Variants in MAP3K5 observed in about 807,000 individuals in gnomAD.
MAP3K5 encodes the protein mitogen-activated protein kinase kinase kinase 5.
In MAP3K5, 56 loss-of-function variants were observed where a neutral mutation model predicts 158.7. That is an observed-to-expected ratio of 0.35 (90% CI 0.28 to 0.44). The LOEUF (loss-of-function observed/expected upper bound fraction) is 0.44. Among genes scored for constraint, MAP3K5 ranks in the 20% least tolerant of loss-of-function variants. The pLI is 1.00. For synonymous variants in MAP3K5, 579 were observed against 601.7 expected, an observed-to-expected ratio of 0.96 and a Z score of 0.55; for missense variants, 1,294 against 1,674.8, an observed-to-expected ratio of 0.77 and a Z score of 3.97.
At chr6:136,742,049 T>C (rs1454264956) in intron 1 of MAP3K5, among the ~76,000 whole-genome samples, 6 of 152,240 alleles carry the variant, frequency 3.9e-5, no homozygotes, top group African/African-American at 1.4e-4. Flanking sequence ...AGACTCAATG[T>C]TGTCAAGATG....
chr6:136,712,859 A>T (rs1253840849), intron 2 of MAP3K5, among the ~76,000 whole-genome samples: 1 of 152,154 alleles, frequency 6.6e-6, no homozygotes, highest in Non-Finnish European at 1.5e-5. Context: ...CACCTGGCTC[A>T]TTCTATCTTG....
At position 136,622,945 on chromosome 6, in the gene MAP3K5, C is replaced by T. The variant is rs149689638; in HGVS notation, c.2053G>A (p.Val685Ile). The T allele has an allele frequency of 1.2e-4, 193 of 1,613,902 alleles. No homozygotes were observed. The highest frequency in any genetic ancestry group is 5.1e-4 in the East Asian group (23 of 44,878). Residue 685 changes from valine to isoleucine, a missense_variant, in exon 15 of 30, where the codon GTT becomes ATT. This residue lies in a region of MAP3K5 where 690 missense variants were observed against 870.5 expected (regional missense o/e 0.79). Coordinates refer to ENST00000359015, the MANE Select transcript of MAP3K5 (RefSeq NM_005923.4). ...ATCCCATAAGTGCCTTTTCCTAAAACGACTCTGTCACCATTTTCATCATAT... is the reference window on the plus strand; with the variant it reads ...ATCCCATAAGTGCCTTTTCCTAAAATGACTCTGTCACCATTTTCATCATAT... ...YEYDENGDRV[V>I]LGKGTYGIVY...
At chr6:136,713,035 CAGTAAT>C (rs1212065560) in intron 2 of MAP3K5, among the ~76,000 whole-genome samples, 1 of 152,050 alleles carries the variant, frequency 6.6e-6, no homozygotes, top group Non-Finnish European at 1.5e-5. Context: ...ACACATATTT[CAGTAAT>C]AGTTTCAAAG....
rs142730513 is a variant in MAP3K5, at chr6:136,720,215, C to T, written c.588+235G>A. ...GACTTCCTATTAACACAGTCTCCTCCGCTACAACCATGACTGAAACTCAGA... is the reference window on the plus strand; with the variant it reads ...GACTTCCTATTAACACAGTCTCCTCTGCTACAACCATGACTGAAACTCAGA... On this transcript the variant is annotated intron_variant, in intron 2 of 29. Transcript: ENST00000359015. Among the ~76,000 whole-genome samples the T allele has an allele frequency of 6.6e-3, 1,008 of 152,210 alleles. 8 individuals are homozygous for T. Among genetic ancestry groups the T allele is most frequent in the African/African-American group, 0.022 (921 of 41,538 alleles).
intron 1 of MAP3K5, among the ~76,000 whole-genome samples, chr6:136,789,307 C>A (rs147262933): frequency 6.6e-6 from 1 of 152,170 alleles, no homozygotes. Flanking sequence ...GAGACCTTGT[C>A]TCTAAAACAA....
At position 136,614,152 on chromosome 6, in the gene MAP3K5, C is replaced by G; in HGVS notation, c.2278+7G>C. 1.2e-6 allele frequency: 2 copies of G among 1,609,992 alleles called. No homozygotes were observed. The highest frequency in any genetic ancestry group is 8.5e-7 in the Non-Finnish European group (1 of 1,178,498). On this transcript the variant is annotated splice_region_variant and intron_variant, in intron 16 of 29. Coordinates refer to ENST00000359015, the MANE Select transcript of MAP3K5 (RefSeq NM_005923.4). ...TCACACTTTTTAAAGAAAGAAATAT[C>G]TCTTACCTCCAGGGACCTGCTCCAT...
At chr6:136,782,022 C>G (rs1022439977) in intron 1 of MAP3K5, among the ~76,000 whole-genome samples, 1 of 149,560 alleles carries the variant, frequency 6.7e-6, no homozygotes, top group Admixed American at 6.7e-5. Context: ...TCAAGACCAG[C>G]CTGGGCAACA....
In MAP3K5 at chr6:136,689,255, G is replaced by A. The variant is rs1780285187; in HGVS notation, c.1253+4885C>T. Among the ~76,000 whole-genome samples the A allele has an allele frequency of 2.0e-5, 3 of 152,344 alleles. No homozygotes were observed. The South Asian group carries it at 6.2e-4, about 32-fold the overall frequency. ...TTCCAGACTTCAGTGAGTTATGATT[G>A]TGTCACTGTACTCCAGCCTAGACAA... On this transcript the variant is annotated intron_variant, in intron 7 of 29. Transcript: ENST00000359015.
chr6:136,792,445 C>T lies in MAP3K5; in HGVS notation c.-288G>A. On this transcript the variant is annotated 5_prime_UTR_variant, in exon 1 of 30. Transcript: ENST00000359015. This position sits in a 1 kb window ranked among gnomAD's most constrained non-coding sequence, Gnocchi z 5.7. ...GCCGGGTGAGCGGGAAGGGACGGAG[C>T]TTCCTTTTCTTGGCCGGCTGACAAG... The T allele has an allele frequency of 1.1e-6, 1 of 919,214 alleles. No individual in the cohort carries two copies. Among genetic ancestry groups the T allele is most frequent in the Non-Finnish European group, 1.3e-6 (1 of 769,798 alleles). The allele number at this position is 919,214 out of a possible 1,614,324, so 56.9% of individuals were successfully genotyped here.
At chr6:136,680,059 C>CAT (rs1294467271) in intron 7 of MAP3K5, among the ~76,000 whole-genome samples, 2 of 152,026 alleles carry the variant, frequency 1.3e-5, no homozygotes, top group Non-Finnish European at 2.9e-5. Context: ...GCCACACACA[C>CAT]ACACACACAC....
chr6:136,576,371 G>A (rs1383001224), intron 25 of MAP3K5, among the ~76,000 whole-genome samples: 1 of 152,132 alleles, frequency 6.6e-6, no homozygotes, highest in Non-Finnish European at 1.5e-5. Flanking sequence ...GAGTACAGCA[G>A]TGCAATCATA....
chr6:136,787,991 G>C (rs1012903052), intron 1 of MAP3K5, among the ~76,000 whole-genome samples: 1 of 152,210 alleles, frequency 6.6e-6, no homozygotes, highest in African/African-American at 2.4e-5. Context: ...TACTTTGTGA[G>C]GTATATGAAG....
At chr6:136,737,035 G>GTA (rs1452375249) in intron 1 of MAP3K5, among the ~76,000 whole-genome samples, 4 of 118,720 alleles carry the variant, frequency 3.4e-5, no homozygotes, top group Non-Finnish European at 6.2e-5. Flanking sequence ...ATATATGTGT[G>GTA]TGTATATATA....
rs1261955474 is a variant in MAP3K5, at chr6:136,639,645, C to A, written c.1839-7G>T. 2 of 1,458,700 alleles carry A rather than the reference C, an allele frequency of 1.4e-6. No individual in the cohort carries two copies. The highest frequency in any genetic ancestry group is 1.2e-5 in the South Asian group (1 of 82,498). 90.4% of individuals were successfully genotyped at this position (1,458,700 alleles called of 1,614,324 possible). A position where few individuals can be genotyped will look rare whatever the true frequency, so the allele number is the denominator to read the frequency against. On this transcript the variant is annotated splice_polypyrimidine_tract_variant and splice_region_variant and intron_variant, in intron 12 of 29. Transcript: ENST00000359015. ...TTCTTCAAATTTAGAAATACTGAAA[C>A]CAACAAACAAAAAGGCATTATTCAG... is the stretch of plus-strand genomic sequence containing the variant.
chr6:136,669,764 A>G (rs1482114802), intron 7 of MAP3K5, among the ~76,000 whole-genome samples: 1 of 152,168 alleles, frequency 6.6e-6, no homozygotes, highest in Non-Finnish European at 1.5e-5. Flanking sequence ...ATGGAATAAC[A>G]TATATTCCAA....
rs368183328 is a variant in MAP3K5 at position 136,637,312 on chromosome 6, C to G, written c.2016+13G>C. On this transcript the variant is annotated intron_variant, in intron 14 of 29. Coordinates refer to ENST00000359015, the MANE Select transcript of MAP3K5 (RefSeq NM_005923.4). ...AATGAGCTCTAAATGTAAATGGACA[C>G]CTAAGTCATTACCTCCAGCAAGTCA... The G allele has an allele frequency of 1.3e-6, 2 of 1,588,844 alleles. No homozygotes were observed. Among genetic ancestry groups the G allele is most frequent in the Non-Finnish European group, 1.7e-6 (2 of 1,157,010 alleles).
intron 11 of MAP3K5, among the ~76,000 whole-genome samples, chr6:136,647,053 T>A (rs1778294074): frequency 6.6e-6 from 1 of 152,218 alleles, no homozygotes; most frequent in African/African-American, 2.4e-5. Context: ...TGTGATTAAG[T>A]TGTATACTTT....
intron 2 of MAP3K5, among the ~76,000 whole-genome samples, chr6:136,716,022 C>T (rs1463593333): frequency 1.2e-4 from 2 of 16,236 alleles, no homozygotes; most frequent in African/African-American, 1.9e-4. Context: ...AAAGCAAGAT[C>T]GTCTCAAAAA....
intron 18 of MAP3K5, among the ~76,000 whole-genome samples, chr6:136,606,128 G>A (rs529265849): frequency 3.3e-5 from 5 of 152,272 alleles, no homozygotes; most frequent in South Asian, 2.1e-4. Flanking sequence ...CAAGGCAGAC[G>A]GATCACGAGG....
Sources: allele counts gnomAD v4.1 joint callset (sites outside exome capture counted in the v4.1 genomes callset), GRCh38; gene constraint gnomAD v4.1.1; regional missense constraint gnomAD v4.1.1; non-coding constraint Gnocchi (gnomAD v3.1); transcripts MANE v1.5; gene names NCBI Gene and HGNC (gene_info 2026-07-23, HGNC 2026-07-21).